The following MLIP variants were observed in gnomAD, a reference collection of about 807,000 sequenced individuals.
MLIP encodes muscular LMNA interacting protein.
Under a neutral mutation model 84.8 loss-of-function variants are expected in MLIP, and 79 were observed. That is an observed-to-expected ratio of 0.93 (90% confidence interval 0.78 to 1.12). The LOEUF is 1.12. Among genes scored for constraint, MLIP ranks in the 50% most tolerant of loss-of-function variants. The probability of loss-of-function intolerance (pLI) is 0.00; values close to 1 mark genes in which losing one functional copy is unlikely to be tolerated. For synonymous variants in MLIP, 504 were observed against 463.0 expected (o/e 1.09, Z -1.14); for missense variants, 1,257 against 1,160.6 (o/e 1.08, Z -1.21).
chr6:54,213,447 A>G (rs1227356579), intron 11 of MLIP, among the ~76,000 whole-genome samples: 2 of 152,162 alleles, frequency 1.3e-5, no homozygotes, highest in Non-Finnish European at 2.9e-5. Context: ...CACGCCTGTA[A>G]TCCCAGCACT....
At chr6:54,207,201 T>C (rs1473136454) in intron 11 of MLIP, among the ~76,000 whole-genome samples, 2 of 152,128 alleles carry the variant, frequency 1.3e-5, no homozygotes, top group Non-Finnish European at 2.9e-5. Context: ...CTTTGCTTCC[T>C]TCCTTTATAT....
At position 54,266,030 on chromosome 6, in the gene MLIP, AC is replaced by A; in HGVS notation, c.*76del. ...TGGTGCTAACCACTTGCTAGATTTA[AC>A]TTTTTTTTTTTTTTCCAGAATGAGT... On this transcript the variant is annotated 3_prime_UTR_variant, in exon 14 of 14. Coordinates refer to ENST00000502396, the MANE Select transcript of MLIP (RefSeq NM_001281747.2). 3 of 1,467,624 alleles carry A rather than the reference AC, an allele frequency of 2.0e-6. No individual in the cohort carries two copies. Among genetic ancestry groups the A allele is most frequent in the Non-Finnish European group, 2.8e-6 (3 of 1,083,104 alleles). 90.9% of individuals were successfully genotyped at this position (1,467,624 alleles called of 1,614,324 possible).
At chr6:54,239,785 TAAAAATA>T (rs1205470330) in intron 12 of MLIP, among the ~76,000 whole-genome samples, 2 of 151,780 alleles carry the variant, frequency 1.3e-5, no homozygotes, top group African/African-American at 4.8e-5. Flanking sequence ...AGATTCTGTC[TAAAAATA>T]AAAAATAAAA....
intron 11 of MLIP, among the ~76,000 whole-genome samples, chr6:54,214,976 T>G (rs113233202): frequency 1.3e-5 from 2 of 152,202 alleles, no homozygotes; most frequent in Non-Finnish European, 2.9e-5. Context: ...TAGGCCTGGG[T>G]GATTCCCCAG....
chr6:54,238,790 C>T (rs981400544), intron 12 of MLIP, among the ~76,000 whole-genome samples: 14 of 152,220 alleles, frequency 9.2e-5, no homozygotes, highest in African/African-American at 3.4e-4. Flanking sequence ...AAATTCACAG[C>T]CATCCTTGAG....
chr6:54,125,278 T>C (rs550598210), intron 3 of MLIP, among the ~76,000 whole-genome samples: 2 of 152,272 alleles, frequency 1.3e-5, no homozygotes, highest in African/African-American at 4.8e-5. Context: ...AATTGGACAT[T>C]AGAGGTAGAC....
At chr6:54,252,127 CAT>C (rs1250607902) in intron 12 of MLIP, among the ~76,000 whole-genome samples, 3 of 93,452 alleles carry the variant, frequency 3.2e-5, no homozygotes, top group Admixed American at 3.4e-4. Flanking sequence ...TATATTATAA[CAT>C]ATAATATATA....
intron 9 of MLIP, among the ~76,000 whole-genome samples, chr6:54,176,052 C>G (rs1174505801): frequency 6.6e-6 from 1 of 151,958 alleles, no homozygotes; most frequent in Non-Finnish European, 1.5e-5. Context: ...ATATGTTAAA[C>G]CATCATTGCA....
chr6:54,213,734 A>AAAAAAAAAAACC (rs368508685), intron 11 of MLIP, among the ~76,000 whole-genome samples: 5 of 82,366 alleles, frequency 6.1e-5, no homozygotes, highest in Admixed American at 1.5e-4. Flanking sequence ...AAAAAAAAAA[A>AAAAAAAAAAACC]AACAACAAAC....
At chr6:54,221,551 AT>A (rs5876372) in intron 11 of MLIP, among the ~76,000 whole-genome samples, 102,299 of 151,848 alleles carry the variant, frequency 0.67, 37,525 homozygotes, top group Non-Finnish European at 0.81. Flanking sequence ...CCCCCTTATA[AT>A]GCTAAAAGAT....
intron 11 of MLIP, among the ~76,000 whole-genome samples, chr6:54,214,167 A>C (rs1779688830): frequency 6.6e-6 from 1 of 152,204 alleles, no homozygotes; most frequent in Admixed American, 6.5e-5. Flanking sequence ...CAGTTTTAAA[A>C]TCCAGCTAGT....
chr6:54,217,902 T>TC, intron 11 of MLIP: 1 of 985,072 alleles, frequency 1.0e-6, no homozygotes, highest in Non-Finnish European at 1.2e-6. Flanking sequence ...AGAATAGTGA[T>TC]CTCTAAAGTA....
intron 1 of MLIP, among the ~76,000 whole-genome samples, chr6:54,021,163 C>T (rs1763479720): frequency 6.6e-6 from 1 of 152,122 alleles, no homozygotes; most frequent in African/African-American, 2.4e-5. Flanking sequence ...CACAGTATGA[C>T]TGGCTAGGTT....
At chr6:54,250,030 A>G (rs1377637980) in intron 12 of MLIP, among the ~76,000 whole-genome samples, 2 of 151,902 alleles carry the variant, frequency 1.3e-5, no homozygotes, top group Non-Finnish European at 2.9e-5. Flanking sequence ...CCCACTTACA[A>G]GTGAGAACAT....
At chr6:54,233,337 C>T (rs28663986) in intron 12 of MLIP, among the ~76,000 whole-genome samples, 1 of 151,642 alleles carries the variant, frequency 6.6e-6, no homozygotes. Flanking sequence ...TAGCCCCCCA[C>T]CCCCCAACAG....
intron 12 of MLIP, among the ~76,000 whole-genome samples, chr6:54,242,027 A>G (rs72964047): frequency 0.022 from 3,351 of 152,346 alleles, 57 homozygotes; most frequent in Middle Eastern, 0.044. Context: ...GAAAAACAAT[A>G]GCAATAGAGA....
intron 13 of MLIP, among the ~76,000 whole-genome samples, chr6:54,257,839 A>G (rs1783112712): frequency 6.6e-6 from 1 of 152,068 alleles, no homozygotes; most frequent in Non-Finnish European, 1.5e-5. Context: ...TATGGCATGC[A>G]GCTTTTAGAC....
chr6:54,109,925 C>CTTTCTTCCTTCCTTCCTTCCTTCCTTCT (rs1769310514), upstream of MLIP, among the ~76,000 whole-genome samples: 1 of 14,712 alleles, frequency 6.8e-5, no homozygotes, highest in East Asian at 7.8e-4. Context: ...TTCTTTCTTT[C>CTTTCTTCCTTCCTTCCTTCCTTCCTTCT]TTCCTTCCTT....
intron 11 of MLIP, among the ~76,000 whole-genome samples, chr6:54,214,691 A>G (rs1254868790): frequency 6.6e-6 from 1 of 152,198 alleles, no homozygotes; most frequent in Non-Finnish European, 1.5e-5. Context: ...CCCAAACTCT[A>G]CTTTTTCCTT....
Sources: allele counts gnomAD v4.1 joint callset (sites outside exome capture counted in the v4.1 genomes callset), GRCh38; gene constraint gnomAD v4.1.1; transcripts MANE v1.5; gene names NCBI Gene and HGNC (gene_info 2026-07-23, HGNC 2026-07-21).